YWHAZ: variants seen among roughly 807,000 people sequenced by gnomAD.
YWHAZ encodes tyrosine 3-monooxygenase/tryptophan 5-monooxygenase activation protein zeta.
For synonymous variants in YWHAZ, 87 were observed against 103.6 expected, an observed-to-expected ratio of 0.84 and a Z score of 0.97; for missense variants, 79 against 284.8, an observed-to-expected ratio of 0.28 and a Z score of 5.20.
chr8:100,948,890 G>A lies in YWHAZ; in HGVS notation c.-1C>T. ...TCTGAACCAGCTCATTTTTATCCAT[G>A]ACTGGATGTTCTGCAGGGGGGAAAA... On this transcript the variant is annotated 5_prime_UTR_variant, in exon 2 of 6. Coordinates refer to ENST00000395958, the MANE Select transcript of YWHAZ (RefSeq NM_145690.3). The surrounding 1 kb of genome is among the most constrained non-coding windows in gnomAD (Gnocchi z 4.2). The A allele has an allele frequency of 6.3e-7, 1 of 1,586,762 alleles. No individual in the cohort carries two copies. Among genetic ancestry groups the A allele is most frequent in the Non-Finnish European group, 8.5e-7 (1 of 1,172,928 alleles).
At chr8:100,927,576 C>T (rs1293494745) in intron 2 of YWHAZ, among the ~76,000 whole-genome samples, 1 of 152,184 alleles carries the variant, frequency 6.6e-6, no homozygotes, top group Non-Finnish European at 1.5e-5. Flanking sequence ...GTAACTTTAA[C>T]CCCCTCTATG....
chr8:100,953,054 A>T, upstream of YWHAZ: 2 of 998,302 alleles, frequency 2.0e-6, no homozygotes, highest in African/African-American at 1.7e-5. Flanking sequence ...GCAGGAGGTG[A>T]GGCCTGGAAG....
intron 1 of YWHAZ, chr8:100,950,572 A>G: frequency 2.0e-6 from 2 of 985,170 alleles, no homozygotes; most frequent in Non-Finnish European, 2.4e-6. Context: ...GATCTGTGTC[A>G]GGGAGCCCAA....
Position 100,924,295 on chromosome 8 carries a change from A to G in YWHAZ, c.422T>C (p.Ile141Thr), listed in dbSNP as rs771444347. 8.1e-6 allele frequency: 13 copies of G among 1,612,158 alleles called. No individual in the cohort carries two copies. Among genetic ancestry groups the G allele is most frequent in the Non-Finnish European group, 8.5e-7 (1 of 1,179,598 alleles). Reference protein sequence around the residue: ...EVAAGDDKKGIVDQSQQAYQE... With the variant: ...EVAAGDDKKGTVDQSQQAYQE... ...GTATGCTTGTTGTGACTGATCGACA[A>G]TCCCTGGATAAGACACACCAAAACG... The change falls in exon 4 of 6, where the codon ATT becomes ACT. Residue 141 changes from isoleucine to threonine, a missense_variant. Ile to Thr is a moderately conservative substitution (Grantham distance 89). Coordinates refer to ENST00000395958, the MANE Select transcript of YWHAZ (RefSeq NM_145690.3). This position sits in a 1 kb window ranked among gnomAD's most constrained non-coding sequence, Gnocchi z 5.7.
At chr8:100,921,364 T>C (rs1041080134) in intron 5 of YWHAZ, among the ~76,000 whole-genome samples, 2 of 152,088 alleles carry the variant, frequency 1.3e-5, no homozygotes, top group Non-Finnish European at 2.9e-5. Flanking sequence ...CATCAATAGG[T>C]GTCAGAACCT....
At chr8:100,953,105 A>G, upstream of YWHAZ, 1 of 989,636 alleles carries the variant, frequency 1.0e-6, no homozygotes, top group African/African-American at 1.7e-5. Flanking sequence ...TCCGAGGGGA[A>G]AGGACAGCCT....
chr8:100,925,752 T>G (rs1483490943), intron 2 of YWHAZ, among the ~76,000 whole-genome samples: 2 of 152,182 alleles, frequency 1.3e-5, no homozygotes, highest in East Asian at 3.9e-4. Flanking sequence ...CTAAAACTAC[T>G]ATTACAATCT....
intron 2 of YWHAZ, among the ~76,000 whole-genome samples, chr8:100,931,460 G>A (rs532569600): frequency 6.6e-6 from 1 of 152,244 alleles, no homozygotes; most frequent in South Asian, 2.1e-4. Context: ...CAAAACTGCT[G>A]CCTGAGCTGG....
chr8:100,943,743 T>C (rs1810045100), intron 2 of YWHAZ, among the ~76,000 whole-genome samples: 1 of 151,904 alleles, frequency 6.6e-6, no homozygotes, highest in South Asian at 2.1e-4. Flanking sequence ...TCCCAGCACT[T>C]TGGGAGGCCG....
At position 100,918,324 on chromosome 8, in the gene YWHAZ, C is replaced by A; in HGVS notation, c.*2369G>T. ...CACCACTGCACTCAAGCCTGGGTGA[C>A]AGAGCAAGACTCTTGTCTCCAAAAA... On this transcript the variant is annotated 3_prime_UTR_variant, in exon 6 of 6. Coordinates refer to ENST00000395958, the MANE Select transcript of YWHAZ (RefSeq NM_145690.3). The A allele has an allele frequency of 8.3e-6, 1 of 120,412 alleles. No homozygotes were observed. 7.5% of individuals were successfully genotyped at this position (120,412 alleles called of 1,614,324 possible).
At chr8:100,950,662 G>GC (rs1220822893) in intron 1 of YWHAZ, 37 of 908,200 alleles carry the variant, frequency 4.1e-5, no homozygotes, top group Admixed American at 6.2e-5. Flanking sequence ...AGCCGTGGGG[G>GC]GGGGGGAGAG....
intron 2 of YWHAZ, among the ~76,000 whole-genome samples, chr8:100,933,515 T>C (rs1813906487): frequency 6.6e-6 from 1 of 152,196 alleles, no homozygotes; most frequent in Admixed American, 6.5e-5. Flanking sequence ...TTGCCAATCG[T>C]ACCTCAATAA....
At chr8:100,946,481 G>A (rs1180017398) in intron 2 of YWHAZ, among the ~76,000 whole-genome samples, 1 of 152,124 alleles carries the variant, frequency 6.6e-6, no homozygotes, top group Non-Finnish European at 1.5e-5. Context: ...AACACGGGAG[G>A]CGGAAGTTGC....
intron 2 of YWHAZ, among the ~76,000 whole-genome samples, chr8:100,942,422 T>A (rs1809936252): frequency 6.6e-6 from 1 of 152,206 alleles, no homozygotes; most frequent in Admixed American, 6.5e-5. Flanking sequence ...AGAGAACAAG[T>A]GAATGATCGG....
At position 100,919,968 on chromosome 8, in the gene YWHAZ, C is replaced by G. The variant is rs531619161; in HGVS notation, c.*725G>C. 1 of 152,304 alleles carries G rather than the reference C, an allele frequency of 6.6e-6. No individual in the cohort carries two copies. Among genetic ancestry groups the G allele is most frequent in the Admixed American group, 6.6e-5 (1 of 15,254 alleles). 9.4% of individuals were successfully genotyped at this position (152,304 alleles called of 1,614,324 possible). A position where few individuals can be genotyped will look rare whatever the true frequency, so the allele number is the denominator to read the frequency against. On this transcript the variant is annotated 3_prime_UTR_variant, in exon 6 of 6. Transcript: ENST00000395958. Reference sequence around the variant, plus strand: ...CTTGATATACATGAAGTAATGAATACCAAGCAATTCATTTTTCCTGCATCT... The same window carrying G: ...CTTGATATACATGAAGTAATGAATAGCAAGCAATTCATTTTTCCTGCATCT...
chr8:100,919,632 T>C lies in YWHAZ; in HGVS notation c.*1061A>G, dbSNP rs1345774466. On this transcript the variant is annotated 3_prime_UTR_variant, in exon 6 of 6. Transcript: ENST00000395958. ...GAATAAATTTCAAAAAATGTACAAT[T>C]TCCTTTAGAGAAGTTTCAGAACCAA... The C allele has an allele frequency of 6.6e-6, 1 of 152,624 alleles. No homozygotes were observed. Among genetic ancestry groups the C allele is most frequent in the Non-Finnish European group, 1.5e-5 (1 of 68,040 alleles). 9.5% of individuals were successfully genotyped at this position (152,624 alleles called of 1,614,324 possible). A position where few individuals can be genotyped will look rare whatever the true frequency, so the allele number is the denominator to read the frequency against.
chr8:100,947,082 T>C (rs987306319), intron 2 of YWHAZ, among the ~76,000 whole-genome samples: 1 of 151,216 alleles, frequency 6.6e-6, no homozygotes, highest in African/African-American at 2.4e-5. Context: ...TGAAACCCCG[T>C]CTCTACTAAA....
Position 100,948,090 on chromosome 8 carries a change from A to G in YWHAZ, c.294+506T>C, listed in dbSNP as rs1362853269. 10 of 1,534,494 alleles carry G rather than the reference A, an allele frequency of 6.5e-6. No individual in the cohort carries two copies. The highest frequency in any genetic ancestry group is 7.0e-6 in the Non-Finnish European group (8 of 1,146,466). On this transcript the variant is annotated intron_variant, in intron 2 of 5. Transcript: ENST00000395958. The surrounding 1 kb of genome is among the most constrained non-coding windows in gnomAD (Gnocchi z 4.2). ...TTCAAAATTTACCTTCAAGAATTCA[A>G]TGCAGGAAGAGGTTTCATAGTTGTG... is the stretch of plus-strand genomic sequence containing the variant.
At position 100,923,929 on chromosome 8, in the gene YWHAZ, C is replaced by T. The variant is rs778536123; in HGVS notation, c.678+26G>A. 18 of 1,566,772 alleles carry T rather than the reference C, an allele frequency of 1.1e-5. No homozygotes were observed. The South Asian group carries it at 1.9e-4, about 17-fold the overall frequency. On this transcript the variant is annotated intron_variant, in intron 5 of 5. Coordinates refer to ENST00000395958, the MANE Select transcript of YWHAZ (RefSeq NM_145690.3). ...ACATAACCTCTTCAACCACATTCAT[C>T]ACTAATGATGCTGTTATGTACTTAC...
Sources: allele counts gnomAD v4.1 joint callset (sites outside exome capture counted in the v4.1 genomes callset), GRCh38; gene constraint gnomAD v4.1.1; non-coding constraint Gnocchi (gnomAD v3.1); transcripts MANE v1.5; gene names NCBI Gene and HGNC (gene_info 2026-07-23, HGNC 2026-07-21).